Variants in ANKFN1 observed in about 807,000 individuals in gnomAD.
ANKFN1 encodes ankyrin repeat and fibronectin type III domain containing 1.
ANKFN1 carries 74 observed loss-of-function variants against 108.7 expected under a neutral mutation model. The observed-to-expected ratio is 0.68, with a 90% confidence interval of 0.56 to 0.83. The LOEUF is 0.83. Ranked by LOEUF, ANKFN1 falls within the 40% of genes least tolerant of loss-of-function variation. ANKFN1 has a pLI of 0.00. For missense variants in ANKFN1, 1,505 were observed against 1,382.3 expected (o/e 1.09, Z -1.41); for synonymous variants, 547 against 516.2 (o/e 1.06, Z -0.81).
At chr17:56,315,823 GA>G (rs2045189583) in intron 3 of ANKFN1, among the ~76,000 whole-genome samples, 1 of 152,178 alleles carries the variant, frequency 6.6e-6, no homozygotes, top group Non-Finnish European at 1.5e-5. Context: ...GAAGACAGAA[GA>G]ACTAGGCCAG....
At chr17:56,296,075 G>GTT (rs138833335) in intron 3 of ANKFN1, among the ~76,000 whole-genome samples, 6 of 151,018 alleles carry the variant, frequency 4.0e-5, no homozygotes, top group African/African-American at 1.5e-4. Flanking sequence ...TTAAATTCAG[G>GTT]TTTTTTTTTC....
upstream of ANKFN1, chr17:56,153,440 C>G (rs1908794080): frequency 6.3e-7 from 1 of 1,584,646 alleles, no homozygotes; most frequent in East Asian, 2.2e-5. Flanking sequence ...ACCGTGTGGA[C>G]ATTCGCAAAG....
rs531171455 is a variant in ANKFN1 at position 56,090,840 on chromosome 17, T to C, written c.288+44515T>C. Among the ~76,000 whole-genome samples the C allele has an allele frequency of 9.9e-5, 15 of 151,280 alleles. 1 individual carries two copies. The South Asian group carries it at 2.7e-3, about 27-fold the overall frequency. ...CTAGGCTGGTCTCAAACTCCTGGGC[T>C]CAAGTGATCCTCCCAACAAGGCATC... On this transcript the variant is annotated intron_variant, in intron 4 of 12. Coordinates refer to the ANKFN1 transcript ENST00000635860.
At chr17:56,269,190 C>A (rs942035769) in intron 3 of ANKFN1, among the ~76,000 whole-genome samples, 1 of 152,172 alleles carries the variant, frequency 6.6e-6, no homozygotes, top group Non-Finnish European at 1.5e-5. Context: ...AGAAGCCATG[C>A]TGACTTTGAA....
intron 3 of ANKFN1, among the ~76,000 whole-genome samples, chr17:56,257,421 A>G (rs965713463): frequency 1.3e-5 from 2 of 152,234 alleles, no homozygotes; most frequent in African/African-American, 4.8e-5. Context: ...TGGCCCTTCA[A>G]CATTAACAGT....
chr17:56,358,217 C>T (rs2046423442), intron 6 of ANKFN1, among the ~76,000 whole-genome samples: 1 of 152,150 alleles, frequency 6.6e-6, no homozygotes, highest in Admixed American at 6.6e-5. Context: ...TGAAAACTAG[C>T]TCAGTATTCT....
chr17:56,220,844 GAGGGAGGA>G (rs1915820777), intron 2 of ANKFN1, among the ~76,000 whole-genome samples: 3 of 89,184 alleles, frequency 3.4e-5, no homozygotes, highest in African/African-American at 2.0e-4. Flanking sequence ...GGAAGGGAGG[GAGGGAGGA>G]AGGAAGGAAG....
intron 4 of ANKFN1, among the ~76,000 whole-genome samples, chr17:56,128,384 G>C (rs751507832): frequency 2.0e-4 from 30 of 152,170 alleles, no homozygotes; most frequent in Non-Finnish European, 3.1e-4. Context: ...TGAAAGACTT[G>C]CAACTGAAGG....
chr17:56,058,040 T>A (rs1371744598), intron 4 of ANKFN1, among the ~76,000 whole-genome samples: 1 of 152,238 alleles, frequency 6.6e-6, no homozygotes, highest in Admixed American at 6.5e-5. Flanking sequence ...ACAGATGTGC[T>A]GTCTGTCATT....
intron 4 of ANKFN1, among the ~76,000 whole-genome samples, chr17:56,054,684 G>A (rs1904835530): frequency 6.6e-6 from 1 of 152,108 alleles, no homozygotes; most frequent in Admixed American, 6.5e-5. Flanking sequence ...GTCTGAGGCG[G>A]GTGGATCACT....
chr17:56,205,525 T>A (rs185584734), intron 1 of ANKFN1, among the ~76,000 whole-genome samples: 1 of 152,344 alleles, frequency 6.6e-6, no homozygotes, highest in East Asian at 1.9e-4. Flanking sequence ...CTTATTCTAC[T>A]CAACTGACAG....
intron 6 of ANKFN1, among the ~76,000 whole-genome samples, chr17:56,359,738 G>A (rs1409023196): frequency 1.3e-5 from 2 of 152,170 alleles, no homozygotes; most frequent in East Asian, 3.9e-4. Flanking sequence ...GGACTGGTCA[G>A]GGCATGTCTA....
At chr17:56,304,554 A>T (rs557071568) in intron 3 of ANKFN1, among the ~76,000 whole-genome samples, 146 of 152,158 alleles carry the variant, frequency 9.6e-4, no homozygotes, top group African/African-American at 3.0e-3. Context: ...GCTTAGTTTT[A>T]AAAAAAATCT....
Position 56,156,246 on chromosome 17 carries a change from A to AT in ANKFN1, c.-71+2723dup, listed in dbSNP as rs201590939. Among the ~76,000 whole-genome samples, 281 of 151,964 alleles carry AT rather than the reference A, an allele frequency of 1.8e-3. 3 individuals are homozygous for AT. In the East Asian group the frequency reaches 0.038, roughly 20 times the overall value. The stretch of plus-strand genomic sequence containing the variant: ...AGGCATGCACCAACACTCCAGGCTA[A>AT]TTTTTTTGTTGTTGTATTTTTAGTA... On this transcript the variant is annotated intron_variant, in intron 1 of 20. Transcript: ENST00000682825.
chr17:56,504,953 G>T (rs1253119973), intron 20 of ANKFN1, among the ~76,000 whole-genome samples: 1 of 151,160 alleles, frequency 6.6e-6, no homozygotes, highest in Non-Finnish European at 1.5e-5. Flanking sequence ...GATTACAGGT[G>T]TGAGCCACCG....
At chr17:56,149,282 A>T (rs970749497), upstream of ANKFN1, among the ~76,000 whole-genome samples, 4 of 152,292 alleles carry the variant, frequency 2.6e-5, no homozygotes, top group African/African-American at 9.6e-5. Flanking sequence ...ACAGGCCATG[A>T]ATAGTAATAG....
At chr17:56,298,742 C>T (rs2044589427) in intron 3 of ANKFN1, among the ~76,000 whole-genome samples, 1 of 152,156 alleles carries the variant, frequency 6.6e-6, no homozygotes, top group Non-Finnish European at 1.5e-5. Context: ...TTAAGTTTTG[C>T]ATATATTTTC....
chr17:56,138,046 A>G (rs1306558252), intron 4 of ANKFN1, among the ~76,000 whole-genome samples: 5 of 152,210 alleles, frequency 3.3e-5, no homozygotes, highest in Admixed American at 1.3e-4. Flanking sequence ...AAGATACAGT[A>G]CGGATTGCTG....
At chr17:56,209,728 G>A (rs1914823148) in intron 1 of ANKFN1, among the ~76,000 whole-genome samples, 1 of 152,094 alleles carries the variant, frequency 6.6e-6, no homozygotes. Flanking sequence ...ATATGAATAA[G>A]TTCTTTAGTG....
Sources: allele counts gnomAD v4.1 joint callset (sites outside exome capture counted in the v4.1 genomes callset), GRCh38; gene constraint gnomAD v4.1.1; transcripts MANE v1.5; gene names NCBI Gene and HGNC (gene_info 2026-07-23, HGNC 2026-07-21).